Variants in NAALADL2 observed in about 807,000 individuals in gnomAD.
NAALADL2 encodes N-acetylated alpha-linked acidic dipeptidase like 2.
Under a neutral mutation model 87.2 loss-of-function variants are expected in NAALADL2, and 76 were observed. The observed-to-expected ratio is 0.87, with a 90% CI of 0.72 to 1.05. NAALADL2 has a LOEUF of 1.05. Among genes scored for constraint, NAALADL2 ranks in the 50% least tolerant of loss-of-function variants. The pLI is 0.00. For missense variants in NAALADL2, 1,089 were observed against 945.8 expected (o/e 1.15, Z -1.99); for synonymous variants, 354 against 331.0 (o/e 1.07, Z -0.75).
At chr3:175,275,335 G>C (rs1298957121) in intron 4 of NAALADL2, among the ~76,000 whole-genome samples, 1 of 151,922 alleles carries the variant, frequency 6.6e-6, no homozygotes, top group African/African-American at 2.4e-5. Context: ...AATGTTTTTA[G>C]GATTTCTTAA....
intron 2 of NAALADL2, among the ~76,000 whole-genome samples, chr3:174,709,676 T>TA (rs1730436502): frequency 6.6e-6 from 1 of 152,164 alleles, no homozygotes; most frequent in Non-Finnish European, 1.5e-5. Flanking sequence ...ACAGATAAGA[T>TA]AAAAATCTTG....
chr3:174,821,165 A>G (rs1732919746), intron 3 of NAALADL2, among the ~76,000 whole-genome samples: 1 of 152,196 alleles, frequency 6.6e-6, no homozygotes, highest in South Asian at 2.1e-4. Flanking sequence ...AAGGAACAGG[A>G]TGGCTTAGTA....
At chr3:175,046,615 C>T (rs915478287) in intron 1 of NAALADL2, among the ~76,000 whole-genome samples, 5 of 152,080 alleles carry the variant, frequency 3.3e-5, no homozygotes, top group East Asian at 1.9e-4. Flanking sequence ...TGTTGCTCTG[C>T]GACAGCAATA....
chr3:174,562,227 G>C (rs1713711217), intron 2 of NAALADL2, among the ~76,000 whole-genome samples: 1 of 152,074 alleles, frequency 6.6e-6, no homozygotes, highest in Non-Finnish European at 1.5e-5. Context: ...TAGGAAGAAG[G>C]CATTTTAAAG....
chr3:175,424,086 A>G (rs566237015), intron 5 of NAALADL2, among the ~76,000 whole-genome samples: 26 of 152,278 alleles, frequency 1.7e-4, no homozygotes, highest in African/African-American at 6.0e-4. Flanking sequence ...GTCTGTTCAT[A>G]TCCTTCGCCC....
At chr3:175,302,999 A>T (rs1392179322) in intron 4 of NAALADL2, among the ~76,000 whole-genome samples, 1 of 152,130 alleles carries the variant, frequency 6.6e-6, no homozygotes, top group East Asian at 1.9e-4. Context: ...ATAAACATTG[A>T]TAATAAAAGA....
chr3:174,729,092 A>G (rs937590268), intron 2 of NAALADL2, among the ~76,000 whole-genome samples: 3 of 151,966 alleles, frequency 2.0e-5, no homozygotes, highest in African/African-American at 7.2e-5. Context: ...CAACTAACTT[A>G]TTTTTAGAGT....
intron 2 of NAALADL2, among the ~76,000 whole-genome samples, chr3:174,563,145 A>G (rs1713828240): frequency 6.6e-6 from 1 of 151,918 alleles, no homozygotes. Flanking sequence ...GAGTATCTAT[A>G]AAATTAAGAT....
chr3:175,246,861 A>G (rs2109707589), intron 3 of NAALADL2, among the ~76,000 whole-genome samples: 1 of 152,252 alleles, frequency 6.6e-6, no homozygotes, highest in East Asian at 1.9e-4. Flanking sequence ...GCAAGAGAAA[A>G]GATATGACTA....
At chr3:175,628,738 G>GT (rs1428364023) in intron 11 of NAALADL2, among the ~76,000 whole-genome samples, 2 of 149,230 alleles carry the variant, frequency 1.3e-5, no homozygotes, top group African/African-American at 2.4e-5. Flanking sequence ...TTATGTAGTT[G>GT]TTTTTTTCTT....
chr3:175,666,551 A>G (rs1733023864), intron 11 of NAALADL2, among the ~76,000 whole-genome samples: 1 of 152,298 alleles, frequency 6.6e-6, no homozygotes, highest in East Asian at 1.9e-4. Context: ...CCAATATAAC[A>G]TGAAAAGCTT....
chr3:174,723,038 A>G (rs980361683), intron 2 of NAALADL2, among the ~76,000 whole-genome samples: 5 of 152,104 alleles, frequency 3.3e-5, no homozygotes, highest in Admixed American at 2.0e-4. Context: ...CATGTATTTA[A>G]TTTTTTCATG....
At chr3:174,890,433 G>A (rs538481854) in intron 1 of NAALADL2, among the ~76,000 whole-genome samples, 1 of 152,078 alleles carries the variant, frequency 6.6e-6, no homozygotes, top group African/African-American at 2.4e-5. Context: ...GCATAAAATG[G>A]CTGTATAAAA....
chr3:175,151,383 T>C (rs1016066044), intron 2 of NAALADL2, among the ~76,000 whole-genome samples: 1 of 152,238 alleles, frequency 6.6e-6, no homozygotes, highest in Admixed American at 6.5e-5. Flanking sequence ...TGCTGTCTGC[T>C]CAGATTACAT....
intron 10 of NAALADL2, among the ~76,000 whole-genome samples, chr3:175,590,926 G>T (rs992506949): frequency 3.3e-5 from 5 of 152,136 alleles, no homozygotes; most frequent in Non-Finnish European, 7.4e-5. Context: ...GATGAAGGGG[G>T]GTGCGAATTA....
chr3:175,178,614 C>G (rs1255278959), intron 2 of NAALADL2, among the ~76,000 whole-genome samples: 1 of 152,006 alleles, frequency 6.6e-6, no homozygotes, highest in Non-Finnish European at 1.5e-5. Flanking sequence ...CTTTAATATA[C>G]ATCTGAATGA....
At chr3:174,510,462 C>G (rs1404820434) in intron 1 of NAALADL2, among the ~76,000 whole-genome samples, 1 of 151,982 alleles carries the variant, frequency 6.6e-6, no homozygotes, top group East Asian at 1.9e-4. Flanking sequence ...CATGTTGACT[C>G]ACATCTTTCA....
At chr3:175,479,742 CT>C in intron 9 of NAALADL2, among the ~76,000 whole-genome samples, 1 of 151,824 alleles carries the variant, frequency 6.6e-6, no homozygotes, top group African/African-American at 2.4e-5. Context: ...GTCTTATAAC[CT>C]GACATGAATC....
At chr3:175,719,525 C>T (rs1290826844) in intron 11 of NAALADL2, among the ~76,000 whole-genome samples, 3 of 152,064 alleles carry the variant, frequency 2.0e-5, no homozygotes, top group East Asian at 3.9e-4. Context: ...ATGAAATAAC[C>T]GTTATGCATG....
Sources: allele counts gnomAD v4.1 joint callset (sites outside exome capture counted in the v4.1 genomes callset), GRCh38; gene constraint gnomAD v4.1.1; transcripts MANE v1.5; gene names NCBI Gene and HGNC (gene_info 2026-07-23, HGNC 2026-07-21).